The following KDM4B variants were observed in gnomAD, a reference collection of about 807,000 sequenced individuals.
KDM4B encodes lysine-specific demethylase 4B.
In KDM4B, 32 loss-of-function variants were observed where a neutral mutation model predicts 125.2. That is an observed-to-expected ratio of 0.26 (90% CI 0.19 to 0.34). The LOEUF (loss-of-function observed/expected upper bound fraction) is 0.34, where lower values mean the gene tolerates loss of function less well. Among genes scored for constraint, KDM4B ranks in the 10% least tolerant of loss-of-function variants. KDM4B has a pLI of 1.00. For missense variants in KDM4B, 1,190 were observed against 1,577.7 expected (o/e 0.75, Z 4.16); for synonymous variants, 721 against 677.9 (o/e 1.06, Z -0.99).
chr19:4,969,469 G>T (rs2034167769), intron 1 of KDM4B, among the ~76,000 whole-genome samples: 1 of 148,510 alleles, frequency 6.7e-6, no homozygotes, highest in African/African-American at 2.4e-5. Flanking sequence ...CCGGACAATG[G>T]CGGGGCGCGC....
intron 8 of KDM4B, chr19:5,080,923 C>G (rs566537402): frequency 2.6e-5 from 4 of 152,240 alleles, no homozygotes; most frequent in Non-Finnish European, 5.9e-5. Context: ...CAGAAACGCA[C>G]GCCAGGTGGA....
chr19:5,105,318 C>T (rs1470393984), intron 9 of KDM4B, among the ~76,000 whole-genome samples: 5 of 152,256 alleles, frequency 3.3e-5, no homozygotes, highest in Admixed American at 3.3e-4. Context: ...AACAGACACA[C>T]CTGCGATTGC....
chr19:5,137,280 C>A lies in KDM4B; in HGVS notation c.2327C>A (p.Pro776His). The A allele has an allele frequency of 1.3e-6, 2 of 1,578,526 alleles. No individual in the cohort carries two copies. The highest frequency in any genetic ancestry group is 2.3e-5 in the East Asian group (1 of 43,286). The change falls in exon 16 of 23, where the codon CCC becomes CAC. Residue 776 changes from proline (P) to histidine (H), a missense_variant. Transcript: ENST00000159111. ...CTTCCAGGTTGCTATGGCATCCGTC[C>A]CGAGCTGGTCAATGAAGGCTGGACG... ...QVHASCYGIR[P>H]ELVNEGWTCS...
chr19:5,020,034 CGTTGGTGTGCAGGTGTCGGTGTGGGT>C (rs2036054544), intron 2 of KDM4B, among the ~76,000 whole-genome samples: 1 of 51,172 alleles, frequency 2.0e-5, no homozygotes, highest in African/African-American at 8.2e-5. Context: ...TTGGTGTGGA[CGTTGGTGTGCAGGTGTCGGTGTGGGT>C]GTTGGTGTGC....
intron 1 of KDM4B, among the ~76,000 whole-genome samples, chr19:4,982,851 T>C (rs759952675): frequency 2.0e-5 from 3 of 152,178 alleles, no homozygotes; most frequent in Non-Finnish European, 2.9e-5. Flanking sequence ...GACCTCGTGA[T>C]CTGCCTGCCT....
chr19:5,104,482 CT>C lies in KDM4B; in HGVS notation c.919-6126del, dbSNP rs200687103. ...GCAGAACCTAATCTAAGATCAGTAC[CT>C]TTTTTTTTTTTTTCCAGCAACTAAA... On this transcript the variant is annotated intron_variant, in intron 9 of 22. Coordinates refer to ENST00000159111, the MANE Select transcript of KDM4B (RefSeq NM_015015.3). Among the ~76,000 whole-genome samples, 551 of 144,082 alleles carry C rather than the reference CT, an allele frequency of 3.8e-3. 1 individual carries two copies. The highest frequency in any genetic ancestry group is 0.013 in the Admixed American group (191 of 14,356). 94.5% of individuals were successfully genotyped at this position (144,082 alleles called of 152,430 possible). A position where few individuals can be genotyped will look rare whatever the true frequency, so the allele number is the denominator to read the frequency against.
chr19:5,008,596 T>TC (rs1247206782), intron 1 of KDM4B, among the ~76,000 whole-genome samples: 2 of 149,002 alleles, frequency 1.3e-5, no homozygotes, highest in African/African-American at 2.5e-5. Context: ...TTTTTCTTTT[T>TC]TTTTTTTTTT....
In KDM4B at chr19:5,101,222, C is replaced by CAAAAAA. The variant is rs751379008; in HGVS notation, c.919-9386_919-9381dup. On this transcript the variant is annotated intron_variant, in intron 9 of 22. Transcript: ENST00000159111. ...GGGCAACAAGAGCAAGACTCCGTCT[C>CAAAAAA]AAAAAAAAAAAAAAAAAAATCTTCT... Among the ~76,000 whole-genome samples, 8 of 85,642 alleles carry CAAAAAA rather than the reference C, an allele frequency of 9.3e-5. No individual in the cohort carries two copies. In the South Asian group the frequency reaches 1.7e-3, roughly 18 times the overall value. 56.2% of individuals were successfully genotyped at this position (85,642 alleles called of 152,430 possible).
intron 1 of KDM4B, among the ~76,000 whole-genome samples, chr19:4,979,009 C>G (rs1404763138): frequency 6.6e-6 from 1 of 152,192 alleles, no homozygotes; most frequent in Non-Finnish European, 1.5e-5. Context: ...GAAACCAAGC[C>G]TGGAGGCCGG....
At chr19:5,145,425 A>G (rs961978661) in intron 21 of KDM4B, among the ~76,000 whole-genome samples, 1 of 152,018 alleles carries the variant, frequency 6.6e-6, no homozygotes, top group Non-Finnish European at 1.5e-5. Flanking sequence ...TACTAAAAAT[A>G]CAAAAATTAG....
At chr19:5,083,005 C>T (rs12978731) in intron 9 of KDM4B, among the ~76,000 whole-genome samples, 10,416 of 152,176 alleles carry the variant, frequency 0.068, 445 homozygotes, top group Middle Eastern at 0.14. Flanking sequence ...AGTGGCAGTC[C>T]CCCAGCTCCC....
chr19:4,993,059 A>G (rs1021503768), intron 1 of KDM4B, among the ~76,000 whole-genome samples: 18 of 152,190 alleles, frequency 1.2e-4, no homozygotes, highest in African/African-American at 3.9e-4. Flanking sequence ...TTTGGCTTAT[A>G]GTGCTCAAGT....
intron 1 of KDM4B, among the ~76,000 whole-genome samples, chr19:4,993,029 G>A (rs552293332): frequency 6.6e-6 from 1 of 152,322 alleles, no homozygotes; most frequent in South Asian, 2.1e-4. Context: ...ACTGAGAAGA[G>A]AATATGTTCT....
At chr19:5,136,151 G>C (rs1411370628) in intron 15 of KDM4B, among the ~76,000 whole-genome samples, 1 of 152,230 alleles carries the variant, frequency 6.6e-6, no homozygotes, top group Non-Finnish European at 1.5e-5. Flanking sequence ...CTTCTCCAAG[G>C]CCTGGGAGGC....
intron 2 of KDM4B, among the ~76,000 whole-genome samples, chr19:5,029,874 C>A (rs936817915): frequency 6.6e-6 from 1 of 152,168 alleles, no homozygotes; most frequent in African/African-American, 2.4e-5. Context: ...CCCTAGGGGG[C>A]GGTGGTGGGT....
chr19:5,110,806 A>C lies in KDM4B; in HGVS notation c.1103A>C (p.Lys368Thr). 6.3e-7 allele frequency: 1 copy of C among 1,585,818 alleles called. No homozygotes were observed. Among genetic ancestry groups the C allele is most frequent in the Non-Finnish European group, 8.6e-7 (1 of 1,166,868 alleles). Residue 368 changes from lysine to threonine, a missense_variant, in exon 10 of 23, where the codon AAG becomes ACG. Around this residue, in one of 7 missense-constraint regions of KDM4B, gnomAD observed 428 missense variants for 405.1 expected, o/e 1.06. Coordinates refer to ENST00000159111, the MANE Select transcript of KDM4B (RefSeq NM_015015.3). Reference protein sequence around the residue: ...WSASRASLKAKLLRRSHRKRS... With the variant: ...WSASRASLKATLLRRSHRKRS... ...GCATCCCGGGCCTCGCTGAAGGCCAAGCTCCTCCGCAGGTGAGTTGCCAAG... is the reference window on the plus strand; with the variant it reads ...GCATCCCGGGCCTCGCTGAAGGCCACGCTCCTCCGCAGGTGAGTTGCCAAG...
chr19:5,031,689 T>C (rs2036464906), intron 2 of KDM4B, among the ~76,000 whole-genome samples: 2 of 152,190 alleles, frequency 1.3e-5, no homozygotes, highest in Admixed American at 1.3e-4. Flanking sequence ...ACCTCGGCTT[T>C]GCTTTTGTCA....
intron 6 of KDM4B, 93 bp downstream of exon 6, chr19:5,047,762 G>C (rs1006064313): frequency 7.6e-7 from 1 of 1,312,796 alleles, no homozygotes; most frequent in Non-Finnish European, 1.1e-6. Context: ...CGTGGCAGGG[G>C]CCCCACCAGG....
intron 9 of KDM4B, among the ~76,000 whole-genome samples, chr19:5,109,315 G>A (rs1017073481): frequency 3.3e-5 from 5 of 152,158 alleles, no homozygotes; most frequent in Admixed American, 6.5e-5. Context: ...GGTAATCGCC[G>A]CTTGGGCATC....
Sources: allele counts gnomAD v4.1 joint callset (sites outside exome capture counted in the v4.1 genomes callset), GRCh38; gene constraint gnomAD v4.1.1; regional missense constraint gnomAD v4.1.1; transcripts MANE v1.5; gene names NCBI Gene and HGNC (gene_info 2026-07-23, HGNC 2026-07-21).